SH3GL2: variants seen among roughly 807,000 people sequenced by gnomAD.
SH3GL2 encodes SH3 domain containing GRB2 like 2, endophilin A1, also known as endophilin-A1.
A neutral mutation model predicts 46.0 loss-of-function variants in SH3GL2; 24 were observed. The ratio of observed to expected loss-of-function variants is 0.52; its 90% CI spans 0.38 to 0.73. The LOEUF (loss-of-function observed/expected upper bound fraction) is 0.73, where lower values mean the gene tolerates loss of function less well. Ranked by LOEUF, SH3GL2 falls within the 30% of genes least tolerant of loss-of-function variation. The pLI is 0.00. For synonymous variants in SH3GL2, 196 were observed against 147.1 expected, an observed-to-expected ratio of 1.33 and a Z score of -2.40; for missense variants, 413 against 424.2, an observed-to-expected ratio of 0.97 and a Z score of 0.23.
chr9:17,676,232 T>G (rs1044997550), intron 1 of SH3GL2, among the ~76,000 whole-genome samples: 4 of 152,236 alleles, frequency 2.6e-5, no homozygotes, highest in Non-Finnish European at 5.9e-5. Flanking sequence ...TTTTCTTTTT[T>G]CCTTCCCTTC....
intron 2 of SH3GL2, chr9:17,755,636 C>G (rs1029644833): frequency 2.1e-5 from 4 of 187,998 alleles, no homozygotes; most frequent in African/African-American, 9.5e-5. Context: ...ACTAAACTCA[C>G]AAAGTGTTGG....
intron 1 of SH3GL2, among the ~76,000 whole-genome samples, chr9:17,652,853 C>T (rs1819987651): frequency 6.6e-6 from 1 of 152,110 alleles, no homozygotes; most frequent in Non-Finnish European, 1.5e-5. Context: ...CTGTTACTTA[C>T]TTCCTTCTAT....
intron 1 of SH3GL2, among the ~76,000 whole-genome samples, chr9:17,639,805 G>A (rs1387056355): frequency 6.6e-6 from 1 of 152,126 alleles, no homozygotes; most frequent in Non-Finnish European, 1.5e-5. Flanking sequence ...AGAATAAAAT[G>A]TTAATACATG....
intron 1 of SH3GL2, among the ~76,000 whole-genome samples, chr9:17,661,505 A>T (rs1457397107): frequency 6.6e-6 from 1 of 152,240 alleles, no homozygotes; most frequent in African/African-American, 2.4e-5. Context: ...GTTTTAGATG[A>T]AATGTTCAAT....
At chr9:17,612,555 A>C (rs186455702) in intron 1 of SH3GL2, among the ~76,000 whole-genome samples, 1 of 152,286 alleles carries the variant, frequency 6.6e-6, no homozygotes, top group African/African-American at 2.4e-5. Context: ...TAAGGTGAGG[A>C]GAGGAAGGGG....
At chr9:17,582,224 A>G (rs1034651992) in intron 1 of SH3GL2, among the ~76,000 whole-genome samples, 1 of 152,264 alleles carries the variant, frequency 6.6e-6, no homozygotes, top group African/African-American at 2.4e-5. Context: ...TTTGCCAAGT[A>G]AAATTTATTA....
intron 6 of SH3GL2, among the ~76,000 whole-genome samples, chr9:17,790,929 T>A (rs1824109203): frequency 6.6e-6 from 1 of 152,188 alleles, no homozygotes. Flanking sequence ...AAATCCCAGA[T>A]ACAAGATTGT....
At chr9:17,718,769 T>C (rs1374117878) in intron 1 of SH3GL2, among the ~76,000 whole-genome samples, 1 of 152,058 alleles carries the variant, frequency 6.6e-6, no homozygotes, top group Non-Finnish European at 1.5e-5. Context: ...CTCCAAATAT[T>C]CTTATTTAGC....
chr9:17,750,796 T>A (rs1045867552), intron 2 of SH3GL2, among the ~76,000 whole-genome samples: 4 of 152,252 alleles, frequency 2.6e-5, no homozygotes, highest in African/African-American at 9.6e-5. Flanking sequence ...TGTGTACAGT[T>A]ACATTCATTA....
intron 1 of SH3GL2, among the ~76,000 whole-genome samples, 193 bp from the exon 2 acceptor site, chr9:17,746,873 A>C (rs1822704058): frequency 6.6e-6 from 1 of 152,194 alleles, no homozygotes; most frequent in African/African-American, 2.4e-5. Flanking sequence ...TACCCACCAG[A>C]TGCATAGCCT....
intron 2 of SH3GL2, 73 bp downstream of exon 2, chr9:17,747,207 C>G (rs763568498): frequency 2.3e-6 from 2 of 887,878 alleles, no homozygotes; most frequent in Non-Finnish European, 1.8e-6. Context: ...GAAGAGAAAA[C>G]GGGAGAGGGC....
At chr9:17,586,204 G>T (rs1818374426) in intron 1 of SH3GL2, among the ~76,000 whole-genome samples, 1 of 152,142 alleles carries the variant, frequency 6.6e-6, no homozygotes, top group African/African-American at 2.4e-5. Flanking sequence ...TGTTGTAGTT[G>T]CTCTACCCTA....
intron 1 of SH3GL2, among the ~76,000 whole-genome samples, chr9:17,685,687 C>T (rs1031751807): frequency 6.6e-6 from 1 of 151,996 alleles, no homozygotes; most frequent in Non-Finnish European, 1.5e-5. Context: ...TTTCCCAGCA[C>T]CATTTATTAA....
intron 3 of SH3GL2, among the ~76,000 whole-genome samples, chr9:17,762,954 T>C (rs915257337): frequency 6.6e-6 from 1 of 152,166 alleles, no homozygotes; most frequent in Admixed American, 6.5e-5. Context: ...GCCTAGAACC[T>C]TGAAGTACTC....
At chr9:17,685,345 T>G (rs958791968) in intron 1 of SH3GL2, among the ~76,000 whole-genome samples, 5 of 152,082 alleles carry the variant, frequency 3.3e-5, no homozygotes, top group Non-Finnish European at 7.4e-5. Context: ...TTGAGGACTT[T>G]CGGTTGATTG....
chr9:17,732,370 TAAAG>T (rs921751061), intron 1 of SH3GL2, among the ~76,000 whole-genome samples: 5 of 152,050 alleles, frequency 3.3e-5, no homozygotes, highest in South Asian at 2.1e-4. Flanking sequence ...AATTGGAAGT[TAAAG>T]GAAGGATAAG....
At chr9:17,699,355 T>C (rs1821289277) in intron 1 of SH3GL2, among the ~76,000 whole-genome samples, 1 of 152,134 alleles carries the variant, frequency 6.6e-6, no homozygotes, top group Non-Finnish European at 1.5e-5. Context: ...TCACAGCTTA[T>C]ATTTTTCCAA....
At chr9:17,604,538 C>G (rs1818730222) in intron 1 of SH3GL2, among the ~76,000 whole-genome samples, 1 of 152,290 alleles carries the variant, frequency 6.6e-6, no homozygotes, top group East Asian at 1.9e-4. Context: ...GGCTCAGTGG[C>G]AATTACTTGT....
chr9:17,607,096 A>G (rs1422892716), intron 1 of SH3GL2, among the ~76,000 whole-genome samples: 2 of 152,176 alleles, frequency 1.3e-5, no homozygotes, highest in Non-Finnish European at 2.9e-5. Flanking sequence ...TAAAATTATG[A>G]CATACAGTCA....
Sources: allele counts gnomAD v4.1 joint callset (sites outside exome capture counted in the v4.1 genomes callset), GRCh38; gene constraint gnomAD v4.1.1; transcripts MANE v1.5; gene names NCBI Gene and HGNC (gene_info 2026-07-23, HGNC 2026-07-21).